Variants in MAML3 observed in about 807,000 individuals in gnomAD.
The protein encoded by MAML3 is mastermind like transcriptional coactivator 3.
In MAML3, 27 loss-of-function variants were observed where a neutral mutation model predicts 101.9. That is an observed-to-expected ratio of 0.27 (90% CI 0.20 to 0.37). The LOEUF (loss-of-function observed/expected upper bound fraction) is 0.37. Among genes scored for constraint, MAML3 ranks in the 10% least tolerant of loss-of-function variants. The pLI, the probability that MAML3 is intolerant of heterozygous loss-of-function variation, is 1.00. For missense variants in MAML3, 1,316 were observed against 1,444.9 expected, an observed-to-expected ratio of 0.91 and a Z score of 1.45; for synonymous variants, 501 against 555.9, an observed-to-expected ratio of 0.90 and a Z score of 1.39.
At chr4:140,150,090 G>A (rs985417285) in intron 1 of MAML3, among the ~76,000 whole-genome samples, 1 of 151,992 alleles carries the variant, frequency 6.6e-6, no homozygotes, top group Non-Finnish European at 1.5e-5. Context: ...TCTGTACACA[G>A]CCCTGGCATT....
At chr4:139,761,423 T>G (rs1729757857) in intron 2 of MAML3, among the ~76,000 whole-genome samples, 1 of 152,164 alleles carries the variant, frequency 6.6e-6, no homozygotes, top group Non-Finnish European at 1.5e-5. Context: ...TTTTCACAGT[T>G]GTTCCCCTTC....
At chr4:140,063,975 G>GA (rs574288046) in intron 1 of MAML3, among the ~76,000 whole-genome samples, 101 of 152,262 alleles carry the variant, frequency 6.6e-4, no homozygotes, top group African/African-American at 2.2e-3. Flanking sequence ...GGTTATTTAA[G>GA]AATGTGCTCA....
intron 2 of MAML3, among the ~76,000 whole-genome samples, chr4:139,826,496 T>C (rs1296580128): frequency 2.0e-5 from 3 of 152,110 alleles, no homozygotes; most frequent in African/African-American, 7.2e-5. Flanking sequence ...AAAACATGGG[T>C]AGTATGGATA....
chr4:139,909,081 C>T (rs1341042833), intron 1 of MAML3, among the ~76,000 whole-genome samples: 1 of 152,180 alleles, frequency 6.6e-6, no homozygotes, highest in Non-Finnish European at 1.5e-5. Flanking sequence ...TGGGGCTTAG[C>T]ATAGGACTCC....
chr4:139,810,527 T>C (rs1730778169), intron 2 of MAML3, among the ~76,000 whole-genome samples: 1 of 152,092 alleles, frequency 6.6e-6, no homozygotes, highest in African/African-American at 2.4e-5. Context: ...TGTACAGGTC[T>C]TCACAGCATA....
chr4:140,084,302 T>C (rs1727916089), intron 1 of MAML3, among the ~76,000 whole-genome samples: 1 of 152,208 alleles, frequency 6.6e-6, no homozygotes. Context: ...ACTTGTCTTG[T>C]TACAATCACT....
chr4:139,727,631 G>C (rs1728528325), intron 3 of MAML3, among the ~76,000 whole-genome samples: 1 of 152,176 alleles, frequency 6.6e-6, no homozygotes, highest in Non-Finnish European at 1.5e-5. Flanking sequence ...TCTAAGTTCT[G>C]TCTAACCTTT....
At chr4:139,885,399 C>G (rs1013861413) in intron 2 of MAML3, among the ~76,000 whole-genome samples, 3 of 151,878 alleles carry the variant, frequency 2.0e-5, no homozygotes, top group Non-Finnish European at 2.9e-5. Context: ...AAGTGAGACT[C>G]TTTCTCAAAA....
chr4:139,735,520 G>T lies in MAML3; in HGVS notation c.2080-4853C>A, dbSNP rs1474111149. On this transcript the variant is annotated intron_variant, in intron 2 of 4. Transcript: ENST00000509479. This position sits in a 1 kb window ranked among gnomAD's most constrained non-coding sequence, Gnocchi z 5.8. Reference sequence around the variant, plus strand: ...ACCCCAGGGCCGACAGCCCGGGAGGGACCGGGTTCCAGGACCCCAGCTGCA... The same window carrying T: ...ACCCCAGGGCCGACAGCCCGGGAGGTACCGGGTTCCAGGACCCCAGCTGCA... 6.6e-6 allele frequency among the ~76,000 whole-genome samples: 1 copy of T among 152,064 alleles called. No homozygotes were observed. The highest frequency in any genetic ancestry group is 2.4e-5 in the African/African-American group (1 of 41,414).
chr4:140,093,416 GTT>G (rs561107578), intron 1 of MAML3, among the ~76,000 whole-genome samples: 5 of 121,476 alleles, frequency 4.1e-5, no homozygotes, highest in Admixed American at 1.7e-4. Context: ...ATGTTTGTTT[GTT>G]TTTTTTTTTT....
rs767926864 is a variant in MAML3, at chr4:139,889,513, C to CTGT, written c.1920_1922dup (p.Gln650dup). Reference sequence around the variant, plus strand: ...GCTGCTGCTGCTGCTGCTGCTGTTGCTGTTGCTGCTGCTGTTGCTGCTGCT... The same window carrying CTGT: ...GCTGCTGCTGCTGCTGCTGCTGTTGCTGTTGTTGCTGCTGCTGTTGCTGCTGCT... On this transcript the variant is annotated inframe_insertion, in exon 2 of 5. Coordinates refer to ENST00000509479, the MANE Select transcript of MAML3 (RefSeq NM_018717.5). 1 of 1,610,194 alleles carries CTGT rather than the reference C, an allele frequency of 6.2e-7. No homozygotes were observed. Among genetic ancestry groups the CTGT allele is most frequent in the Admixed American group, 1.7e-5 (1 of 59,950 alleles).
At position 140,154,001 on chromosome 4, in the gene MAML3, G is replaced by C. The variant is rs1729224209; in HGVS notation, c.-674C>G. The C allele has an allele frequency of 6.5e-6, 1 of 154,238 alleles. No individual in the cohort carries two copies. Among genetic ancestry groups the C allele is most frequent in the African/African-American group, 2.4e-5 (1 of 41,456 alleles). 9.6% of individuals were successfully genotyped at this position (154,238 alleles called of 1,614,324 possible). Reference sequence around the variant, plus strand: ...ACAGTCCGAGGCGACTGCAAAAGTAGATCGGTGAAGTCCTTTGCAAAACGC... The same window carrying C: ...ACAGTCCGAGGCGACTGCAAAAGTACATCGGTGAAGTCCTTTGCAAAACGC... On this transcript the variant is annotated 5_prime_UTR_variant, in exon 1 of 5. The change creates a new upstream start codon in the 5' untranslated region. Coordinates refer to ENST00000509479, the MANE Select transcript of MAML3 (RefSeq NM_018717.5).
At chr4:139,768,222 T>TTGTG (rs34182828) in intron 2 of MAML3, among the ~76,000 whole-genome samples, 32,256 of 136,104 alleles carry the variant, frequency 0.24, 3,962 homozygotes, top group Non-Finnish European at 0.29. Context: ...CTGTTGATAG[T>TTGTG]TGTGTGTGTG....
intron 1 of MAML3, among the ~76,000 whole-genome samples, chr4:140,075,630 G>C (rs1727752309): frequency 6.6e-6 from 1 of 152,134 alleles, no homozygotes; most frequent in Non-Finnish European, 1.5e-5. Context: ...TGGAACTCTT[G>C]GGCTCAAGCA....
At chr4:139,901,776 C>T (rs79851084) in intron 1 of MAML3, among the ~76,000 whole-genome samples, 1 of 152,102 alleles carries the variant, frequency 6.6e-6, no homozygotes, top group Admixed American at 6.5e-5. Flanking sequence ...AGGAGGGAGG[C>T]GGGAAGGAGC....
intron 2 of MAML3, among the ~76,000 whole-genome samples, chr4:139,744,887 G>A (rs1175246371): frequency 6.6e-6 from 1 of 152,216 alleles, no homozygotes; most frequent in African/African-American, 2.4e-5. Context: ...GTGGCATGGC[G>A]TAGAAATAGG....
At chr4:139,941,863 A>G (rs1733607089) in intron 1 of MAML3, among the ~76,000 whole-genome samples, 1 of 152,098 alleles carries the variant, frequency 6.6e-6, no homozygotes, top group Non-Finnish European at 1.5e-5. Context: ...GCCGGTCACG[A>G]TGGCTCACAC....
intron 1 of MAML3, among the ~76,000 whole-genome samples, chr4:139,967,882 C>G (rs183257740): frequency 2.0e-5 from 3 of 151,808 alleles, no homozygotes; most frequent in Admixed American, 2.0e-4. Flanking sequence ...CAGATACACA[C>G]CCTAGGCTCC....
intron 2 of MAML3, among the ~76,000 whole-genome samples, chr4:139,864,923 CTTTTTTTTTTTTTT>C (rs56361332): frequency 1.6e-5 from 1 of 62,456 alleles, no homozygotes; most frequent in Non-Finnish European, 2.9e-5. Flanking sequence ...TGCAAACTTG[CTTTTTTTTTTTTTT>C]TTTTTTTTTT....
Sources: gnomAD v4.1 joint callset for allele counts (sites outside exome capture counted in the v4.1 genomes callset) on GRCh38, gnomAD v4.1.1 for gene constraint, Gnocchi (gnomAD v3.1) non-coding constraint, MANE v1.5 for transcripts, NCBI Gene and HGNC (gene_info 2026-07-23, HGNC 2026-07-21) for gene names.